Variants in ZNF383 observed in about 807,000 individuals in gnomAD.
The protein encoded by ZNF383 is zinc finger protein 383.
A neutral mutation model predicts 44.2 loss-of-function variants in ZNF383; 32 were observed. The ratio of observed to expected loss-of-function variants is 0.72; its 90% CI spans 0.55 to 0.97. The LOEUF (loss-of-function observed/expected upper bound fraction) is 0.97. Ranked by LOEUF, ZNF383 falls within the 50% of genes least tolerant of loss-of-function variation. ZNF383 has a pLI of 0.00. For synonymous variants in ZNF383, 155 were observed against 186.2 expected (o/e 0.83, Z 1.36); for missense variants, 487 against 562.5 (o/e 0.87, Z 1.36).
intron 4 of ZNF383, 137 bp from the exon 5 acceptor site, chr19:37,235,842 C>CA: frequency 3.3e-6 from 4 of 1,209,188 alleles, no homozygotes; most frequent in Non-Finnish European, 4.6e-6. Flanking sequence ...TTGGCAACTC[C>CA]AGTGGGCTGT....
chr19:37,236,664 G>C (rs1352187692), intron 5 of ZNF383, among the ~76,000 whole-genome samples: 2 of 151,836 alleles, frequency 1.3e-5, no homozygotes, highest in Non-Finnish European at 1.5e-5. Context: ...CTGCCTCCCG[G>C]GTTCAGGCGA....
chr19:37,232,139 G>A (rs983676286), intron 3 of ZNF383, among the ~76,000 whole-genome samples: 3 of 150,890 alleles, frequency 2.0e-5, no homozygotes, highest in African/African-American at 7.3e-5. Context: ...GCAGTGGCAC[G>A]ATCTCGGCTC....
Position 37,230,479 on chromosome 19 carries a change from T to C in ZNF383, c.9+17T>C. ...ATGGCTGAGGTGAGTTGATGCTTTT[T>C]CTTGCCTTCCTGACATTTAGTTTAA... On this transcript the variant is annotated intron_variant, in intron 3 of 5. Coordinates refer to ENST00000684119, the MANE Select transcript of ZNF383 (RefSeq NM_001387601.1). The C allele has an allele frequency of 2.5e-6, 4 of 1,611,870 alleles. No individual in the cohort carries two copies. The highest frequency in any genetic ancestry group is 3.4e-6 in the Non-Finnish European group (4 of 1,179,676).
intron 3 of ZNF383, 74 bp from the exon 4 acceptor site, chr19:37,235,475 C>T (rs1351571763): frequency 6.7e-7 from 1 of 1,482,354 alleles, no homozygotes; most frequent in Non-Finnish European, 9.4e-7. Flanking sequence ...TTTGTATTAC[C>T]CCACAATACA....
At chr19:37,232,083 T>G (rs1599791394) in intron 3 of ZNF383, among the ~76,000 whole-genome samples, 1 of 150,632 alleles carries the variant, frequency 6.6e-6, no homozygotes, top group Non-Finnish European at 1.5e-5. Flanking sequence ...GTTTTTTTGT[T>G]TTTTTTTTTT....
In ZNF383 at chr19:37,227,242, G is replaced by A. The variant is rs956479406; in HGVS notation, c.-46+2303G>A. On this transcript the variant is annotated intron_variant, in intron 2 of 5. Transcript: ENST00000684119. ...CGATTATCCTGCCTCAGCCTCCCTA[G>A]TAGCTGGGATTACAGGCATGTACCA... Among the ~76,000 whole-genome samples the A allele has an allele frequency of 2.0e-5, 3 of 150,178 alleles. 1 individual carries two copies. The South Asian group carries it at 6.3e-4, about 32-fold the overall frequency.
chr19:37,230,340 C>A, intron 2 of ZNF383, 69 bp from the exon 3 acceptor site: 2 of 1,095,982 alleles, frequency 1.8e-6, no homozygotes, highest in Non-Finnish European at 1.4e-6. Flanking sequence ...TTTTATCTGA[C>A]CTCTAGTGTG....
Position 37,242,720 on chromosome 19 carries a change from A to C in ZNF383, c.484A>C (p.Ile162Leu), listed in dbSNP as rs138040941. Residue 162 changes from isoleucine (I) to leucine (L), a missense_variant, in exon 6 of 6, where the codon ATA becomes CTA. Transcript: ENST00000684119. ...IQQTFLTLHQ[I>L]INNEDRPYEC... The stretch of plus-strand genomic sequence containing the variant: ...ACAGACATTCCTTACTCTCCATCAA[A>C]TAATTAATAATGAAGACAGACCCTA... 1.8e-4 allele frequency: 294 copies of C among 1,614,118 alleles called. 1 individual carries two copies. In the African/African-American group the frequency reaches 3.0e-3, roughly 17 times the overall value.
intron 3 of ZNF383, among the ~76,000 whole-genome samples, chr19:37,232,115 G>A (rs540187612): frequency 5.9e-4 from 88 of 149,062 alleles, no homozygotes; most frequent in African/African-American, 2.1e-3. Flanking sequence ...TCACTCTGTC[G>A]CCTAGGCTAG....
chr19:37,231,435 G>T (rs1973482454), intron 3 of ZNF383, among the ~76,000 whole-genome samples: 1 of 152,140 alleles, frequency 6.6e-6, no homozygotes, highest in Non-Finnish European at 1.5e-5. Flanking sequence ...TGAGGCAGGA[G>T]AATCCTTGAA....
chr19:37,225,516 T>A (rs1229873385), intron 2 of ZNF383, among the ~76,000 whole-genome samples: 1 of 152,144 alleles, frequency 6.6e-6, no homozygotes, highest in African/African-American at 2.4e-5. Flanking sequence ...TTTCCCTCTT[T>A]CCCCAGCCCC....
chr19:37,221,701 C>T (rs1379171761), intron 1 of ZNF383, among the ~76,000 whole-genome samples: 1 of 151,320 alleles, frequency 6.6e-6, no homozygotes, highest in Non-Finnish European at 1.5e-5. Context: ...GTAATCCCAG[C>T]ACTTTGGGAG....
chr19:37,239,824 GCAGTTTCAAAA>G (rs1973991676), intron 5 of ZNF383, among the ~76,000 whole-genome samples: 1 of 152,122 alleles, frequency 6.6e-6, no homozygotes, highest in African/African-American at 2.4e-5. Context: ...ACAGAAGAGG[GCAGTTTCAAAA>G]CTTTACTTGG....
intron 3 of ZNF383, among the ~76,000 whole-genome samples, chr19:37,232,326 G>T (rs1022723174): frequency 1.3e-5 from 2 of 151,834 alleles, no homozygotes; most frequent in Non-Finnish European, 2.9e-5. Flanking sequence ...ACCCACCTTC[G>T]CAAAGTGCTG....
At chr19:37,222,696 T>C (rs1972982858) in intron 1 of ZNF383, among the ~76,000 whole-genome samples, 1 of 152,208 alleles carries the variant, frequency 6.6e-6, no homozygotes, top group Non-Finnish European at 1.5e-5. Context: ...CACATTTTAC[T>C]TATCCATTCC....
chr19:37,241,024 C>G (rs987117180), intron 5 of ZNF383, among the ~76,000 whole-genome samples: 20 of 152,184 alleles, frequency 1.3e-4, no homozygotes, highest in African/African-American at 4.8e-4. Context: ...CCAGGCTGGT[C>G]TGGAGCTCCT....
intron 5 of ZNF383, among the ~76,000 whole-genome samples, chr19:37,236,378 T>G (rs539908908): frequency 2.0e-5 from 3 of 151,994 alleles, no homozygotes; most frequent in Admixed American, 6.6e-5. Flanking sequence ...CTAGCTTTTT[T>G]TACTCTCTCT....
At chr19:37,241,706 A>G (rs1159275274) in intron 5 of ZNF383, among the ~76,000 whole-genome samples, 2 of 152,100 alleles carry the variant, frequency 1.3e-5, no homozygotes, top group African/African-American at 4.8e-5. Context: ...AGGTCCTACC[A>G]TGAATTACCT....
intron 2 of ZNF383, among the ~76,000 whole-genome samples, chr19:37,229,800 A>AT (rs1219681218): frequency 5.2e-5 from 6 of 114,426 alleles, no homozygotes; most frequent in South Asian, 2.7e-4. Context: ...ATATATATAT[A>AT]TATTTTTTTT....
Sources: allele counts gnomAD v4.1 joint callset (sites outside exome capture counted in the v4.1 genomes callset), GRCh38; gene constraint gnomAD v4.1.1; transcripts MANE v1.5; gene names NCBI Gene and HGNC (gene_info 2026-07-23, HGNC 2026-07-21).